Variants in DPYSL2 observed in about 807,000 individuals in gnomAD.
The protein encoded by DPYSL2 is dihydropyrimidinase-related protein 2.
In DPYSL2, 13 loss-of-function variants were observed where a neutral mutation model predicts 69.9. The ratio of observed to expected loss-of-function variants is 0.19; its 90% CI spans 0.12 to 0.30. DPYSL2 has a LOEUF of 0.30. Ranked by LOEUF, DPYSL2 falls within the 10% of genes least tolerant of loss-of-function variation. The pLI is 1.00. For synonymous variants in DPYSL2, 326 were observed against 359.1 expected (o/e 0.91, Z 1.04); for missense variants, 587 against 918.9 (o/e 0.64, Z 4.67).
Position 26,621,623 on chromosome 8 carries a change from C to T in DPYSL2, c.629-2520C>T, listed in dbSNP as rs116160730. ...TAAATGAGTGAAATGGATTCAGAAA[C>T]GATGCCACCCTGGGATGGTGACATA... is the stretch of plus-strand genomic sequence containing the variant. On this transcript the variant is annotated intron_variant, in intron 3 of 13. Coordinates refer to ENST00000521913, the MANE Select transcript of DPYSL2 (RefSeq NM_001197293.3). This position sits in a 1 kb window ranked among gnomAD's most constrained non-coding sequence, Gnocchi z 4.9. Among the ~76,000 whole-genome samples the T allele has an allele frequency of 4.1e-4, 62 of 152,208 alleles. No individual in the cohort carries two copies. The highest frequency in any genetic ancestry group is 1.5e-3 in the African/African-American group (61 of 41,536).
At chr8:26,528,458 C>G (rs1378912011) in intron 1 of DPYSL2, among the ~76,000 whole-genome samples, 13 of 151,912 alleles carry the variant, frequency 8.6e-5, no homozygotes, top group Non-Finnish European at 1.5e-5. Context: ...ACCATCCTGG[C>G]CAACATGGTG....
chr8:26,596,264 A>G (rs920110231), intron 3 of DPYSL2, among the ~76,000 whole-genome samples: 1 of 152,200 alleles, frequency 6.6e-6, no homozygotes, highest in Non-Finnish European at 1.5e-5. Flanking sequence ...GCACAGTTAG[A>G]TGGGGCTTCA....
In DPYSL2 at chr8:26,516,255, T is replaced by C. The variant is rs564424935; in HGVS notation, c.354+1576T>C. On this transcript the variant is annotated intron_variant, in intron 1 of 13. Transcript: ENST00000521913. The surrounding 1 kb of genome is among the most constrained non-coding windows in gnomAD (Gnocchi z 4.8). ...GCTTTGTTCCAAGTGATCAGACAATTGAAGTAAAAGTTTCTAATAATGTAA... is the reference window on the plus strand; with the variant it reads ...GCTTTGTTCCAAGTGATCAGACAATCGAAGTAAAAGTTTCTAATAATGTAA... 6.6e-6 allele frequency among the ~76,000 whole-genome samples: 1 copy of C among 152,312 alleles called. No individual in the cohort carries two copies. The highest frequency in any genetic ancestry group is 1.9e-4 in the East Asian group (1 of 5,190).
At chr8:26,536,689 A>T (rs1210488526) in intron 1 of DPYSL2, among the ~76,000 whole-genome samples, 1 of 152,104 alleles carries the variant, frequency 6.6e-6, no homozygotes, top group African/African-American at 2.4e-5. Context: ...ACAAACAAAC[A>T]AACAAAACAG....
At chr8:26,600,640 C>T (rs531037489) in intron 3 of DPYSL2, among the ~76,000 whole-genome samples, 30 of 152,256 alleles carry the variant, frequency 2.0e-4, no homozygotes, top group Middle Eastern at 6.8e-3. Flanking sequence ...TGCACTGGCT[C>T]ATCTGGTGTG....
rs577934129 is a variant in DPYSL2 at position 26,605,200 on chromosome 8, A to G, written c.629-18943A>G. Among the ~76,000 whole-genome samples, 1 of 152,330 alleles carries G rather than the reference A, an allele frequency of 6.6e-6. No individual in the cohort carries two copies. Among genetic ancestry groups the G allele is most frequent in the African/African-American group, 2.4e-5 (1 of 41,574 alleles). Reference sequence around the variant, plus strand: ...ATTGCTCCCTGATGAGGGAGGGGCCAGAATACATGTTATCACTACTGTTTA... The same window carrying G: ...ATTGCTCCCTGATGAGGGAGGGGCCGGAATACATGTTATCACTACTGTTTA... On this transcript the variant is annotated intron_variant, in intron 3 of 13. Coordinates refer to ENST00000521913, the MANE Select transcript of DPYSL2 (RefSeq NM_001197293.3). The surrounding 1 kb of genome is among the most constrained non-coding windows in gnomAD (Gnocchi z 4.1).
At position 26,585,661 on chromosome 8, in the gene DPYSL2, G is replaced by T. The variant is rs568247880; in HGVS notation, c.628+1678G>T. Reference sequence around the variant, plus strand: ...GGCGTTTCTGCCTCTCCTCCAGGGCGGACTGTGGAGAAACACTTGAACTTG... The same window carrying T: ...GGCGTTTCTGCCTCTCCTCCAGGGCTGACTGTGGAGAAACACTTGAACTTG... On this transcript the variant is annotated intron_variant, in intron 3 of 13. Transcript: ENST00000521913. This position sits in a 1 kb window ranked among gnomAD's most constrained non-coding sequence, Gnocchi z 4.0. 1.3e-5 allele frequency among the ~76,000 whole-genome samples: 2 copies of T among 152,156 alleles called. No homozygotes were observed. The highest frequency in any genetic ancestry group is 4.8e-5 in the African/African-American group (2 of 41,430).
At chr8:26,529,105 G>A (rs1245648021) in intron 1 of DPYSL2, among the ~76,000 whole-genome samples, 3 of 152,086 alleles carry the variant, frequency 2.0e-5, no homozygotes, top group Admixed American at 1.3e-4. Flanking sequence ...CTCCAGGATC[G>A]GCAAGGCCCC....
At chr8:26,551,956 G>A (rs1800880805) in intron 1 of DPYSL2, among the ~76,000 whole-genome samples, 2 of 152,138 alleles carry the variant, frequency 1.3e-5, no homozygotes. Flanking sequence ...TGGGACCACA[G>A]AGGCATGCTA....
At chr8:26,555,045 A>C (rs1800923735) in intron 1 of DPYSL2, among the ~76,000 whole-genome samples, 1 of 147,118 alleles carries the variant, frequency 6.8e-6, no homozygotes. Context: ...AGATGCAGTA[A>C]AACTATCGAC....
Position 26,610,849 on chromosome 8 carries a change from C to T in DPYSL2, c.629-13294C>T, listed in dbSNP as rs993312053. Among the ~76,000 whole-genome samples, 3 of 152,196 alleles carry T rather than the reference C, an allele frequency of 2.0e-5. No homozygotes were observed. The highest frequency in any genetic ancestry group is 1.9e-4 in the East Asian group (1 of 5,182). ...GTAGGCCCTACTGTTGTTAGCTGTT[C>T]GTAGATACTATTTCAGAACAATGCT... On this transcript the variant is annotated intron_variant, in intron 3 of 13. Coordinates refer to ENST00000521913, the MANE Select transcript of DPYSL2 (RefSeq NM_001197293.3). The surrounding 1 kb of genome is among the most constrained non-coding windows in gnomAD (Gnocchi z 4.5).
intron 1 of DPYSL2, among the ~76,000 whole-genome samples, chr8:26,532,471 C>T (rs991155572): frequency 6.6e-6 from 1 of 152,158 alleles, no homozygotes; most frequent in Non-Finnish European, 1.5e-5. Context: ...TATCATTGTC[C>T]ACTTTCAGAA....
intron 7 of DPYSL2, 151 bp from the exon 8 acceptor site, chr8:26,634,629 A>C: frequency 7.6e-7 from 1 of 1,317,070 alleles, no homozygotes; most frequent in Non-Finnish European, 1.0e-6. Flanking sequence ...GACACAAGGC[A>C]AGTCATACTC....
At position 26,593,484 on chromosome 8, in the gene DPYSL2, T is replaced by C. The variant is rs1188194189; in HGVS notation, c.628+9501T>C. Among the ~76,000 whole-genome samples, 4 of 152,202 alleles carry C rather than the reference T, an allele frequency of 2.6e-5. No individual in the cohort carries two copies. Among genetic ancestry groups the C allele is most frequent in the Non-Finnish European group, 4.4e-5 (3 of 68,038 alleles). ...GAGCTGCCCTCTGCTCCCTGCTTTG[T>C]CCTGTCCTCTTCACGAAGGGAGTGG... On this transcript the variant is annotated intron_variant, in intron 3 of 13. Transcript: ENST00000521913. This position sits in a 1 kb window ranked among gnomAD's most constrained non-coding sequence, Gnocchi z 5.7.
chr8:26,591,568 G>T lies in DPYSL2; in HGVS notation c.628+7585G>T, dbSNP rs1450034200. Among the ~76,000 whole-genome samples the T allele has an allele frequency of 6.6e-6, 1 of 152,190 alleles. No homozygotes were observed. Among genetic ancestry groups the T allele is most frequent in the Non-Finnish European group, 1.5e-5 (1 of 68,032 alleles). ...TGCCCAATGAGTCTGATGGGAGCCA[G>T]ACCCGTTACTCCTTCTACTCATGAT... On this transcript the variant is annotated intron_variant, in intron 3 of 13. Transcript: ENST00000521913. This position sits in a 1 kb window ranked among gnomAD's most constrained non-coding sequence, Gnocchi z 5.8.
In DPYSL2 at chr8:26,614,001, G is replaced by A. The variant is rs1356184715; in HGVS notation, c.629-10142G>A. Among the ~76,000 whole-genome samples, 2 of 152,142 alleles carry A rather than the reference G, an allele frequency of 1.3e-5. No individual in the cohort carries two copies. The highest frequency in any genetic ancestry group is 2.1e-4 in the South Asian group (1 of 4,816). Reference sequence around the variant, plus strand: ...AAAAATTAACTGGGCATGGTGGCACGTGCCTGTGGTCCCAGCTACTCGGGA... The same window carrying A: ...AAAAATTAACTGGGCATGGTGGCACATGCCTGTGGTCCCAGCTACTCGGGA... On this transcript the variant is annotated intron_variant, in intron 3 of 13. Coordinates refer to ENST00000521913, the MANE Select transcript of DPYSL2 (RefSeq NM_001197293.3). The surrounding 1 kb of genome is among the most constrained non-coding windows in gnomAD (Gnocchi z 4.9).
In DPYSL2 at chr8:26,514,463, G is replaced by A; in HGVS notation, c.138G>A (p.Glu46=). Residue 46 remains glutamate (E), a synonymous_variant, in exon 1 of 14, where the codon GAG becomes GAA. Transcript: ENST00000521913. The surrounding 1 kb of genome is among the most constrained non-coding windows in gnomAD (Gnocchi z 8.4). The stretch of plus-strand genomic sequence containing the variant: ...TCTGCCCGGTGGAAGGGTCCTCGGA[G>A]AACAAGACCATCGACTTCGACTCGC... ...GMFCPVEGSS[E]NKTIDFDSLS... The A allele has an allele frequency of 6.5e-7, 1 of 1,529,006 alleles. No homozygotes were observed. The allele number at this position is 1,529,006 out of a possible 1,614,324, so 94.7% of individuals were successfully genotyped here. A position where few individuals can be genotyped will look rare whatever the true frequency, so the allele number is the denominator to read the frequency against.
intron 2 of DPYSL2, 62 bp from the exon 3 acceptor site, chr8:26,583,737 G>C (rs1414747231): frequency 2.0e-6 from 3 of 1,477,860 alleles, no homozygotes; most frequent in East Asian, 4.5e-5. Context: ...GAAAGTAGCT[G>C]TCAGATCCCA....
chr8:26,583,776 T>C, intron 2 of DPYSL2, 23 bp from the exon 3 acceptor site: 1 of 1,595,106 alleles, frequency 6.3e-7, no homozygotes, highest in Non-Finnish European at 8.5e-7. Flanking sequence ...TTACAACCCT[T>C]ATCACCAACC....
Sources: gnomAD v4.1 joint callset for allele counts (sites outside exome capture counted in the v4.1 genomes callset) on GRCh38, gnomAD v4.1.1 for gene constraint, Gnocchi (gnomAD v3.1) non-coding constraint, MANE v1.5 for transcripts, NCBI Gene and HGNC (gene_info 2026-07-23, HGNC 2026-07-21) for gene names.